Variants in SLC39A8 observed in about 807,000 individuals in gnomAD.
SLC39A8 encodes the protein metal cation symporter ZIP8.
Under a neutral mutation model 40.4 loss-of-function variants are expected in SLC39A8, and 15 were observed. That is an observed-to-expected ratio of 0.37 (90% CI 0.25 to 0.57). SLC39A8 has a LOEUF of 0.57. Ranked by LOEUF, SLC39A8 falls within the 20% of genes least tolerant of loss-of-function variation. The pLI is 0.75. For synonymous variants in SLC39A8, 223 were observed against 221.6 expected (o/e 1.01, Z -0.06); for missense variants, 472 against 558.8 (o/e 0.84, Z 1.57).
intron 6 of SLC39A8, among the ~76,000 whole-genome samples, chr4:102,280,823 C>G (rs1392725368): frequency 6.6e-6 from 1 of 152,162 alleles, no homozygotes; most frequent in East Asian, 1.9e-4. Context: ...TGTTTCCTGT[C>G]TCTCCAATCC....
At position 102,304,478 on chromosome 4, in the gene SLC39A8, C is replaced by T; in HGVS notation, c.679G>A (p.Gly227Ser). 1 of 1,608,660 alleles carries T rather than the reference C, an allele frequency of 6.2e-7. No individual in the cohort carries two copies. Among genetic ancestry groups the T allele is most frequent in the Non-Finnish European group, 8.5e-7 (1 of 1,176,840 alleles). The change falls in exon 6 of 9, where the codon GGT becomes AGT. Residue 227 changes from glycine (G) to serine (S), a missense_variant. By Grantham distance (56) the Gly-to-Ser change is moderately conservative. Coordinates refer to ENST00000356736, the MANE Select transcript of SLC39A8 (RefSeq NM_001135146.2). ...KMLLKTYGQN[G>S]HTHFGNDNFG... is the part of the protein sequence containing the mutation. ...TTATCATTTCCAAAGTGGGTATGAC[C>T]ATTCTATATGGGAACAAAAACCAAA...
rs376322675 is a variant in SLC39A8, at chr4:102,255,737, C to T, written c.*299-2307G>A. On this transcript the variant is annotated intron_variant and NMD_transcript_variant, in intron 11 of 11. Transcript: ENST00000424970. The stretch of plus-strand genomic sequence containing the variant: ...AGTCAAGGTATGCAGAAACAATCAA[C>T]AGAAGTGCATTACTCCAAACATATC... 5.9e-5 allele frequency among the ~76,000 whole-genome samples: 9 copies of T among 152,276 alleles called. No homozygotes were observed. In the East Asian group the frequency reaches 1.5e-3, roughly 26 times the overall value.
chr4:102,269,164 A>T (rs1732238013), intron 6 of SLC39A8, among the ~76,000 whole-genome samples: 1 of 102,690 alleles, frequency 9.7e-6, no homozygotes, highest in Admixed American at 8.9e-5. Flanking sequence ...GGATACATTA[A>T]AAAAAAAACA....
chr4:102,262,005 T>C lies in SLC39A8; in HGVS notation c.*1039A>G. The C allele has an allele frequency of 3.0e-6, 3 of 985,860 alleles. No individual in the cohort carries two copies. The highest frequency in any genetic ancestry group is 3.6e-6 in the Non-Finnish European group (3 of 829,860). The allele number at this position is 985,860 out of a possible 1,614,324, so 61.1% of individuals were successfully genotyped here. ...TGGTGTGCTAATTTTTTTCAAGGTA[T>C]ACCATATGGAAAAGTATAGGCTGAA... On this transcript the variant is annotated 3_prime_UTR_variant, in exon 9 of 9. Transcript: ENST00000356736.
chr4:102,290,655 G>A (rs376469120), intron 6 of SLC39A8, among the ~76,000 whole-genome samples: 4 of 149,856 alleles, frequency 2.7e-5, no homozygotes, highest in African/African-American at 5.1e-5. Flanking sequence ...GAAGGTAAAC[G>A]TCAACAATTT....
intron 6 of SLC39A8, among the ~76,000 whole-genome samples, chr4:102,286,023 A>G (rs1282805170): frequency 6.6e-6 from 1 of 152,210 alleles, no homozygotes; most frequent in East Asian, 1.9e-4. Context: ...ATATTTTTAA[A>G]TAAGCAAATA....
At chr4:102,316,952 A>G (rs76655473) in intron 2 of SLC39A8, among the ~76,000 whole-genome samples, 2,553 of 152,282 alleles carry the variant, frequency 0.017, 74 homozygotes, top group African/African-American at 0.058. Flanking sequence ...TGAGGAAGCG[A>G]GAAAATGCTC....
intron 2 of SLC39A8, among the ~76,000 whole-genome samples, chr4:102,337,850 A>G (rs1267280316): frequency 6.6e-6 from 1 of 152,232 alleles, no homozygotes; most frequent in Non-Finnish European, 1.5e-5. Flanking sequence ...CCCTTAAAAA[A>G]ATTCATTATA....
chr4:102,329,473 A>G (rs1735354394), intron 2 of SLC39A8, among the ~76,000 whole-genome samples: 1 of 151,966 alleles, frequency 6.6e-6, no homozygotes, highest in Admixed American at 6.5e-5. Context: ...AAATACAAAA[A>G]TTAGCTGGGC....
chr4:102,261,949 C>A lies in SLC39A8; in HGVS notation c.*1095G>T. The A allele has an allele frequency of 2.0e-6, 2 of 985,806 alleles. No homozygotes were observed. Among genetic ancestry groups the A allele is most frequent in the Non-Finnish European group, 2.4e-6 (2 of 829,880 alleles). The allele number at this position is 985,806 out of a possible 1,614,324, so 61.1% of individuals were successfully genotyped here. On this transcript the variant is annotated 3_prime_UTR_variant, in exon 9 of 9. Transcript: ENST00000356736. ...TATCTTCTAAATGAGTAAACAGGCT[C>A]TGTCTTTTATAAAAGGTAGAAAAAT...
At chr4:102,325,274 A>G (rs553550712) in intron 2 of SLC39A8, among the ~76,000 whole-genome samples, 7 of 152,294 alleles carry the variant, frequency 4.6e-5, no homozygotes, top group South Asian at 2.1e-4. Flanking sequence ...TGGCCAGTCA[A>G]GTGACCCCAA....
intron 2 of SLC39A8, among the ~76,000 whole-genome samples, chr4:102,335,472 C>T (rs944659626): frequency 4.6e-5 from 7 of 152,140 alleles, no homozygotes; most frequent in Admixed American, 1.3e-4. Flanking sequence ...CTGGATTCTT[C>T]GGCTTGCAAA....
At chr4:102,306,009 T>C (rs1459415355) in intron 4 of SLC39A8, among the ~76,000 whole-genome samples, 2 of 151,994 alleles carry the variant, frequency 1.3e-5, no homozygotes, top group Non-Finnish European at 2.9e-5. Context: ...TGCCTGTTTA[T>C]ACAATGCAAA....
intron 8 of SLC39A8, among the ~76,000 whole-genome samples, chr4:102,264,924 G>A (rs1732032149): frequency 6.6e-6 from 1 of 152,212 alleles, no homozygotes; most frequent in African/African-American, 2.4e-5. Context: ...TCTGAAATAG[G>A]CTGTTGCTTA....
chr4:102,265,640 G>A (rs151397), intron 8 of SLC39A8, among the ~76,000 whole-genome samples: 1 of 151,744 alleles, frequency 6.6e-6, no homozygotes, highest in Non-Finnish European at 1.5e-5. Flanking sequence ...ATAAAACAAG[G>A]TGCTCCTGTA....
downstream of SLC39A8, among the ~76,000 whole-genome samples, chr4:102,256,891 C>A (rs1303593569): frequency 6.6e-6 from 1 of 152,090 alleles, no homozygotes; most frequent in Non-Finnish European, 1.5e-5. Context: ...GCAGGGAAAC[C>A]ACAGGTGATG....
intron 2 of SLC39A8, among the ~76,000 whole-genome samples, chr4:102,319,430 C>T (rs927330231): frequency 6.6e-6 from 1 of 151,912 alleles, no homozygotes; most frequent in Non-Finnish European, 1.5e-5. Flanking sequence ...TCGACCCTAG[C>T]ATCCATCCTT....
At chr4:102,268,873 A>G (rs1001920537) in intron 6 of SLC39A8, among the ~76,000 whole-genome samples, 1 of 152,228 alleles carries the variant, frequency 6.6e-6, no homozygotes, top group Non-Finnish European at 1.5e-5. Context: ...TACAAAATCA[A>G]ATGACAAATG....
At chr4:102,330,756 A>T (rs189200310) in intron 2 of SLC39A8, among the ~76,000 whole-genome samples, 73 of 152,358 alleles carry the variant, frequency 4.8e-4, no homozygotes, top group Admixed American at 7.8e-4. Flanking sequence ...CCTGATGAAC[A>T]TGGATGCAAA....
Sources: gnomAD v4.1 joint callset for allele counts (sites outside exome capture counted in the v4.1 genomes callset) on GRCh38, gnomAD v4.1.1 for gene constraint, MANE v1.5 for transcripts, NCBI Gene and HGNC (gene_info 2026-07-23, HGNC 2026-07-21) for gene names.